B4GALT5: variants seen among roughly 807,000 people sequenced by gnomAD.
B4GALT5 encodes beta-1,4-galactosyltransferase 5.
A neutral mutation model predicts 45.0 loss-of-function variants in B4GALT5; 11 were observed. The observed-to-expected ratio is 0.24, with a 90% CI of 0.15 to 0.40. B4GALT5 has a LOEUF of 0.40. Among genes scored for constraint, B4GALT5 ranks in the 10% least tolerant of loss-of-function variants. The probability of loss-of-function intolerance (pLI) is 1.00; values close to 1 mark genes in which losing one functional copy is unlikely to be tolerated. For missense variants in B4GALT5, 337 were observed against 500.2 expected (o/e 0.67, Z 3.11); for synonymous variants, 185 against 182.9 (o/e 1.01, Z -0.09).
intron 2 of B4GALT5, among the ~76,000 whole-genome samples, chr20:49,654,810 TA>T (rs1257510626): frequency 6.6e-6 from 1 of 152,122 alleles, no homozygotes; most frequent in Non-Finnish European, 1.5e-5. Context: ...ACGAAATCAT[TA>T]AGAAGCCATA....
rs891653128 is a variant in B4GALT5 at position 49,634,377 on chromosome 20, TA to T, written c.*1934del. 9 of 150,614 alleles carry T rather than the reference TA, an allele frequency of 6.0e-5. No homozygotes were observed. Among genetic ancestry groups the T allele is most frequent in the African/African-American group, 1.5e-4 (6 of 40,824 alleles). The allele number at this position is 150,614 out of a possible 1,614,324, so 9.3% of individuals were successfully genotyped here. A position where few individuals can be genotyped will look rare whatever the true frequency, so the allele number is the denominator to read the frequency against. ...GGAAGTTGAAGGCAAACAAGGCAATTAAAAAAAAATACGAAGTACTCTTCAG... is the reference window on the plus strand; with the variant it reads ...GGAAGTTGAAGGCAAACAAGGCAATTAAAAAAAATACGAAGTACTCTTCAG... On this transcript the variant is annotated 3_prime_UTR_variant, in exon 9 of 9. Coordinates refer to ENST00000371711, the MANE Select transcript of B4GALT5 (RefSeq NM_004776.4).
intron 1 of B4GALT5, among the ~76,000 whole-genome samples, chr20:49,668,838 G>C (rs2085703521): frequency 6.6e-6 from 1 of 151,750 alleles, no homozygotes; most frequent in African/African-American, 2.4e-5. Context: ...TCCTCTGTAT[G>C]AACGTGCTTT....
chr20:49,663,040 A>G (rs1332240897), intron 1 of B4GALT5, among the ~76,000 whole-genome samples: 1 of 152,226 alleles, frequency 6.6e-6, no homozygotes, highest in African/African-American at 2.4e-5. Context: ...GAATAAATAA[A>G]CTAGAACTGC....
chr20:49,683,861 C>T (rs544954097), intron 1 of B4GALT5, among the ~76,000 whole-genome samples: 1 of 151,970 alleles, frequency 6.6e-6, no homozygotes, highest in Non-Finnish European at 1.5e-5. Flanking sequence ...AAGACTGCAG[C>T]CAGGCACGGT....
intron 5 of B4GALT5, among the ~76,000 whole-genome samples, chr20:49,642,127 C>T (rs2085579769): frequency 6.6e-6 from 1 of 152,152 alleles, no homozygotes; most frequent in Admixed American, 6.5e-5. Context: ...TCTCTTGACT[C>T]CAAGGCCACA....
chr20:49,695,081 C>A (rs981905109), intron 1 of B4GALT5, among the ~76,000 whole-genome samples: 1 of 150,710 alleles, frequency 6.6e-6, no homozygotes, highest in African/African-American at 2.4e-5. Flanking sequence ...AACACCTGCA[C>A]TGTTTTCATT....
Position 49,635,642 on chromosome 20 carries a change from T to C in B4GALT5, c.*670A>G, listed in dbSNP as rs951155716. The stretch of plus-strand genomic sequence containing the variant: ...CTAATACATAAATCCTCAATTTGAA[T>C]TGGAGCCAGCTAGAAAATTAAATTT... On this transcript the variant is annotated 3_prime_UTR_variant, in exon 9 of 9. Coordinates refer to ENST00000371711, the MANE Select transcript of B4GALT5 (RefSeq NM_004776.4). 1 of 152,590 alleles carries C rather than the reference T, an allele frequency of 6.6e-6. No individual in the cohort carries two copies. The highest frequency in any genetic ancestry group is 1.5e-5 in the Non-Finnish European group (1 of 68,060). The allele number at this position is 152,590 out of a possible 1,614,324, so 9.5% of individuals were successfully genotyped here.
chr20:49,651,362 G>C (rs566274729), intron 2 of B4GALT5, among the ~76,000 whole-genome samples: 1 of 151,942 alleles, frequency 6.6e-6, no homozygotes, highest in East Asian at 1.9e-4. Flanking sequence ...GCCAAGGCAG[G>C]TGGATCACCT....
chr20:49,713,564 C>G lies in B4GALT5; in HGVS notation c.115+12G>C. On this transcript the variant is annotated intron_variant, in intron 1 of 8. Coordinates refer to ENST00000371711, the MANE Select transcript of B4GALT5 (RefSeq NM_004776.4). ...GAGCGGCAGCCGCCGCGGTCCCAAGCCCCCTTCCTACCTATGCCGGGCGCC... is the reference window on the plus strand; with the variant it reads ...GAGCGGCAGCCGCCGCGGTCCCAAGGCCCCTTCCTACCTATGCCGGGCGCC... The G allele has an allele frequency of 6.4e-7, 1 of 1,563,180 alleles. No individual in the cohort carries two copies. Among genetic ancestry groups the G allele is most frequent in the South Asian group, 1.2e-5 (1 of 85,534 alleles).
intron 1 of B4GALT5, among the ~76,000 whole-genome samples, chr20:49,711,971 C>T (rs994227900): frequency 2.6e-5 from 4 of 152,190 alleles, no homozygotes; most frequent in Non-Finnish European, 5.9e-5. Flanking sequence ...GCTAAACCAT[C>T]AACCCTTTCC....
chr20:49,677,241 T>C (rs6019967), intron 1 of B4GALT5, among the ~76,000 whole-genome samples: 2,193 of 151,814 alleles, frequency 0.014, 60 homozygotes, highest in African/African-American at 0.05. Context: ...GAAGTACAAG[T>C]ACAACCCCTC....
chr20:49,636,553 C>A (rs1209553447), intron 8 of B4GALT5, 94 bp from the exon 9 acceptor site: 18 of 1,415,044 alleles, frequency 1.3e-5, no homozygotes, highest in African/African-American at 2.8e-5. Context: ...CAGCAGAGGA[C>A]GCAACCCATG....
intron 1 of B4GALT5, among the ~76,000 whole-genome samples, chr20:49,704,705 C>G (rs2085877055): frequency 7.0e-6 from 1 of 143,854 alleles, no homozygotes; most frequent in South Asian, 2.3e-4. Flanking sequence ...GGCGACAGAG[C>G]AAGACTCTGT....
intron 1 of B4GALT5, among the ~76,000 whole-genome samples, chr20:49,679,823 G>A (rs566093076): frequency 3.3e-4 from 50 of 152,290 alleles, no homozygotes; most frequent in Admixed American, 9.8e-4. Context: ...GGCAAAGAAT[G>A]AATAGGTTAT....
intron 1 of B4GALT5, among the ~76,000 whole-genome samples, chr20:49,674,081 CAAAAAA>C (rs34718276): frequency 2.3e-3 from 216 of 94,528 alleles, no homozygotes; most frequent in African/African-American, 6.8e-3. Flanking sequence ...ATTAAAAATA[CAAAAAA>C]AAAAAAAAAA....
intron 1 of B4GALT5, among the ~76,000 whole-genome samples, chr20:49,712,610 C>T (rs1039815896): frequency 1.8e-4 from 27 of 152,132 alleles, no homozygotes; most frequent in African/African-American, 6.3e-4. Context: ...CAATCATATC[C>T]CCTTCTCTAC....
intron 1 of B4GALT5, among the ~76,000 whole-genome samples, chr20:49,711,576 A>G (rs2085912106): frequency 6.6e-6 from 1 of 152,252 alleles, no homozygotes; most frequent in Admixed American, 6.5e-5. Context: ...CATTTTTATT[A>G]GAGTCTAATA....
At chr20:49,705,225 A>G (rs2085879072) in intron 1 of B4GALT5, among the ~76,000 whole-genome samples, 1 of 152,208 alleles carries the variant, frequency 6.6e-6, no homozygotes, top group South Asian at 2.1e-4. Context: ...TCTATTTCAC[A>G]CTTAAAAGCT....
intron 1 of B4GALT5, among the ~76,000 whole-genome samples, chr20:49,682,746 A>G (rs1057325108): frequency 7.3e-6 from 1 of 137,780 alleles, no homozygotes; most frequent in Non-Finnish European, 1.6e-5. Flanking sequence ...CCCAATAAAT[A>G]TTTGTTAAAT....
Sources: gnomAD v4.1 joint callset for allele counts (sites outside exome capture counted in the v4.1 genomes callset) on GRCh38, gnomAD v4.1.1 for gene constraint, MANE v1.5 for transcripts, NCBI Gene and HGNC (gene_info 2026-07-23, HGNC 2026-07-21) for gene names.